The following ADAMTS17 variants were observed in gnomAD, a reference collection of about 807,000 sequenced individuals.
ADAMTS17 encodes the protein ADAM metallopeptidase with thrombospondin type 1 motif 17.
ADAMTS17 carries 113 observed loss-of-function variants against 141.5 expected under a neutral mutation model. The ratio of observed to expected loss-of-function variants is 0.80; its 90% CI spans 0.69 to 0.93. ADAMTS17 has a LOEUF of 0.93. ADAMTS17 is among the 40% of genes least tolerant of loss of function. The pLI, the probability that ADAMTS17 is intolerant of heterozygous loss-of-function variation, is 0.00. For synonymous variants in ADAMTS17, 768 were observed against 630.6 expected, an observed-to-expected ratio of 1.22 and a Z score of -3.27; for missense variants, 1,659 against 1,517.9, an observed-to-expected ratio of 1.09 and a Z score of -1.54.
intron 20 of ADAMTS17, among the ~76,000 whole-genome samples, chr15:99,977,862 C>T (rs1295844356): frequency 6.6e-6 from 1 of 152,194 alleles, no homozygotes; most frequent in Non-Finnish European, 1.5e-5. Flanking sequence ...TTGGCCTCTT[C>T]CCAGGAAGAC....
At chr15:100,220,897 G>T (rs2042112609) in intron 7 of ADAMTS17, among the ~76,000 whole-genome samples, 1 of 152,180 alleles carries the variant, frequency 6.6e-6, no homozygotes, top group Admixed American at 6.5e-5. Flanking sequence ...CCACAACTGA[G>T]GCATCCATTC....
chr15:99,999,312 A>G (rs913374529), intron 18 of ADAMTS17, among the ~76,000 whole-genome samples: 6 of 152,236 alleles, frequency 3.9e-5, no homozygotes, highest in Non-Finnish European at 8.8e-5. Flanking sequence ...ACACACAGTC[A>G]CAAGTGCTCT....
At chr15:100,314,247 C>A (rs960928637) in intron 3 of ADAMTS17, among the ~76,000 whole-genome samples, 1 of 152,230 alleles carries the variant, frequency 6.6e-6, no homozygotes, top group Non-Finnish European at 1.5e-5. Flanking sequence ...TGAGTCTAGA[C>A]TGGATTCTGT....
intron 7 of ADAMTS17, among the ~76,000 whole-genome samples, chr15:100,240,385 A>T (rs1210629275): frequency 6.6e-6 from 1 of 152,252 alleles, no homozygotes; most frequent in African/African-American, 2.4e-5. Flanking sequence ...GGGTAGCAAC[A>T]TATGCCACTG....
chr15:100,053,460 C>T (rs187630620), intron 16 of ADAMTS17, among the ~76,000 whole-genome samples: 31 of 152,246 alleles, frequency 2.0e-4, no homozygotes, highest in East Asian at 7.7e-4. Context: ...GATTCCAGTT[C>T]GGACCTGGAG....
intron 12 of ADAMTS17, among the ~76,000 whole-genome samples, chr15:100,127,369 T>A (rs1337458211): frequency 6.6e-6 from 1 of 151,954 alleles, no homozygotes; most frequent in South Asian, 2.1e-4. Flanking sequence ...GAGGCAGAGA[T>A]GGAGGTGATG....
chr15:100,158,912 C>T (rs1455223161), intron 8 of ADAMTS17, among the ~76,000 whole-genome samples: 1 of 152,070 alleles, frequency 6.6e-6, no homozygotes, highest in Non-Finnish European at 1.5e-5. Flanking sequence ...AATCAAAACC[C>T]TGATGAGATA....
intron 15 of ADAMTS17, among the ~76,000 whole-genome samples, chr15:100,074,669 T>G (rs2034240756): frequency 6.6e-6 from 1 of 152,154 alleles, no homozygotes; most frequent in African/African-American, 2.4e-5. Flanking sequence ...CTAAGAATGC[T>G]CTGTAATTGT....
intron 15 of ADAMTS17, among the ~76,000 whole-genome samples, chr15:100,086,059 AT>A (rs2035079839): frequency 6.6e-6 from 1 of 151,048 alleles, no homozygotes; most frequent in African/African-American, 2.5e-5. Flanking sequence ...AGCAAACTGG[AT>A]AAAGAGTCAA....
At chr15:100,243,681 G>A (rs577477307) in intron 7 of ADAMTS17, among the ~76,000 whole-genome samples, 3 of 151,974 alleles carry the variant, frequency 2.0e-5, no homozygotes, top group East Asian at 3.9e-4. Context: ...TCCCAGCTAC[G>A]TGGGAGGCTG....
chr15:99,990,131 G>C (rs1474354662), intron 20 of ADAMTS17, among the ~76,000 whole-genome samples: 1 of 152,142 alleles, frequency 6.6e-6, no homozygotes, highest in Non-Finnish European at 1.5e-5. Context: ...GACTTCCCTG[G>C]CTCAAGTGAT....
chr15:100,133,154 T>C, intron 11 of ADAMTS17, 60 bp downstream of exon 11: 1 of 1,447,834 alleles, frequency 6.9e-7, no homozygotes, highest in South Asian at 1.2e-5. Context: ...TCAGAAGAGG[T>C]GCCAGTTGCC....
intron 7 of ADAMTS17, among the ~76,000 whole-genome samples, chr15:100,218,287 T>C (rs991269029): frequency 2.0e-5 from 3 of 152,244 alleles, no homozygotes; most frequent in African/African-American, 7.2e-5. Flanking sequence ...TGAAACATAC[T>C]GCACCCCATA....
chr15:100,088,332 T>G (rs1001974989), intron 15 of ADAMTS17, among the ~76,000 whole-genome samples: 42 of 152,124 alleles, frequency 2.8e-4, no homozygotes, highest in South Asian at 1.2e-3. Flanking sequence ...CTCAATGAAA[T>G]AAAAGAGGAT....
At chr15:100,302,273 C>A (rs770896846) in intron 3 of ADAMTS17, among the ~76,000 whole-genome samples, 10 of 152,178 alleles carry the variant, frequency 6.6e-5, no homozygotes, top group Non-Finnish European at 1.2e-4. Flanking sequence ...AAATAAAATT[C>A]TATTGTATGA....
At chr15:100,226,289 T>C (rs1448150091) in intron 7 of ADAMTS17, among the ~76,000 whole-genome samples, 1 of 152,094 alleles carries the variant, frequency 6.6e-6, no homozygotes, top group African/African-American at 2.4e-5. Flanking sequence ...GTCCTTGGAG[T>C]TCCCAGGGAG....
intron 3 of ADAMTS17, among the ~76,000 whole-genome samples, chr15:100,329,565 C>A (rs2045988536): frequency 6.6e-6 from 1 of 150,830 alleles, no homozygotes; most frequent in African/African-American, 2.4e-5. Context: ...CAAATCCACA[C>A]ACAACCAACT....
chr15:100,227,200 A>G (rs1320423528), intron 7 of ADAMTS17, among the ~76,000 whole-genome samples: 1 of 152,072 alleles, frequency 6.6e-6, no homozygotes. Context: ...GAACACTTCC[A>G]CCTGGATTTC....
intron 14 of ADAMTS17, among the ~76,000 whole-genome samples, chr15:100,103,646 T>C (rs2036253574): frequency 6.6e-6 from 1 of 152,122 alleles, no homozygotes; most frequent in Non-Finnish European, 1.5e-5. Flanking sequence ...TGGTGCGATC[T>C]TGGCTCACTG....
Sources: allele counts gnomAD v4.1 joint callset (sites outside exome capture counted in the v4.1 genomes callset), GRCh38; gene constraint gnomAD v4.1.1; transcripts MANE v1.5; gene names NCBI Gene and HGNC (gene_info 2026-07-23, HGNC 2026-07-21).